The following STK3 variants were observed in gnomAD, a reference collection of about 807,000 sequenced individuals.
The protein encoded by STK3 is serine/threonine-protein kinase 3.
STK3 carries 41 observed loss-of-function variants against 58.0 expected under a neutral mutation model. The ratio of observed to expected loss-of-function variants is 0.71; its 90% CI spans 0.55 to 0.92. STK3 has a LOEUF of 0.92. Ranked by LOEUF, STK3 falls within the 40% of genes least tolerant of loss-of-function variation. The probability of loss-of-function intolerance (pLI) is 0.00; values close to 1 mark genes in which losing one functional copy is unlikely to be tolerated. For synonymous variants in STK3, 170 were observed against 191.0 expected (o/e 0.89, Z 0.91); for missense variants, 479 against 602.7 (o/e 0.79, Z 2.15).
At chr8:98,517,511 G>T (rs944341106) in intron 10 of STK3, among the ~76,000 whole-genome samples, 4 of 152,064 alleles carry the variant, frequency 2.6e-5, no homozygotes, top group Non-Finnish European at 5.9e-5. Flanking sequence ...GTGGAAGATA[G>T]ACATGAGAAG....
At chr8:98,876,214 G>C (rs16897115) in intron 3 of STK3, among the ~76,000 whole-genome samples, 10,455 of 152,200 alleles carry the variant, frequency 0.069, 435 homozygotes, top group South Asian at 0.1. Flanking sequence ...AATCTAGCAC[G>C]TTTAGGAACC....
intron 10 of STK3, among the ~76,000 whole-genome samples, chr8:98,519,745 T>C (rs752841327): frequency 4.6e-5 from 7 of 152,118 alleles, no homozygotes; most frequent in South Asian, 2.1e-4. Context: ...TTTGGGACTT[T>C]TTCTTCAGTG....
intron 1 of STK3, among the ~76,000 whole-genome samples, chr8:98,891,973 A>G (rs1319977487): frequency 6.6e-6 from 1 of 152,190 alleles, no homozygotes; most frequent in Non-Finnish European, 1.5e-5. Flanking sequence ...CCCTATGCCA[A>G]TAAGTAAAAA....
chr8:98,625,630 C>T (rs1485521535), intron 6 of STK3, among the ~76,000 whole-genome samples: 1 of 152,150 alleles, frequency 6.6e-6, no homozygotes, highest in African/African-American at 2.4e-5. Context: ...TGAACAGTAA[C>T]TCATCTGTGC....
intron 1 of STK3, among the ~76,000 whole-genome samples, chr8:98,785,243 C>T (rs2131550053): frequency 6.6e-6 from 1 of 152,328 alleles, no homozygotes; most frequent in East Asian, 1.9e-4. Flanking sequence ...GTTCAGCAGC[C>T]TACATCACCC....
intron 2 of STK3, among the ~76,000 whole-genome samples, chr8:98,376,710 G>A (rs186712518): frequency 6.6e-6 from 1 of 152,102 alleles, no homozygotes; most frequent in African/African-American, 2.4e-5. Context: ...GATATTTAGA[G>A]TTCAATGGAA....
chr8:98,923,854 TGCGCGCGCGC>T (rs3029998), intron 1 of STK3, among the ~76,000 whole-genome samples: 1,782 of 113,676 alleles, frequency 0.016, 25 homozygotes, highest in African/African-American at 0.038. Flanking sequence ...TGTGTGTGTG[TGCGCGCGCGC>T]GCGCGCGCGC....
At chr8:98,638,843 T>C (rs1322183004) in intron 6 of STK3, among the ~76,000 whole-genome samples, 1 of 152,192 alleles carries the variant, frequency 6.6e-6, no homozygotes, top group Non-Finnish European at 1.5e-5. Flanking sequence ...TACTCAATTA[T>C]TTATAGGACA....
chr8:98,440,455 C>G (rs1162190303), intron 1 of STK3, among the ~76,000 whole-genome samples: 1 of 152,140 alleles, frequency 6.6e-6, no homozygotes, highest in Non-Finnish European at 1.5e-5. Flanking sequence ...AATTCCAGAA[C>G]CCTTTTCATC....
chr8:98,618,307 C>T lies in STK3; in HGVS notation c.685-22138G>A, dbSNP rs565822124. On this transcript the variant is annotated intron_variant, in intron 6 of 10. Coordinates refer to ENST00000419617, the MANE Select transcript of STK3 (RefSeq NM_006281.4). ...CTCAATAAATTAGGTATTGATGGGACGTATTTCAAAATAATAAGAGCTATC... is the reference window on the plus strand; with the variant it reads ...CTCAATAAATTAGGTATTGATGGGATGTATTTCAAAATAATAAGAGCTATC... Among the ~76,000 whole-genome samples, 110 of 146,842 alleles carry T rather than the reference C, an allele frequency of 7.5e-4. No homozygotes were observed. The East Asian group carries it at 0.019, about 25-fold the overall frequency.
chr8:98,564,882 A>C (rs1420439639), intron 8 of STK3, among the ~76,000 whole-genome samples: 1 of 152,158 alleles, frequency 6.6e-6, no homozygotes, highest in Non-Finnish European at 1.5e-5. Flanking sequence ...AAGAATAGGC[A>C]CTTTAGTTTC....
intron 10 of STK3, among the ~76,000 whole-genome samples, chr8:98,523,375 CTT>C (rs558917345): frequency 0.028 from 3,884 of 137,568 alleles, 120 homozygotes; most frequent in African/African-American, 0.093. Flanking sequence ...GTCCTTTGCC[CTT>C]TTTTTTTTTT....
chr8:98,940,699 G>A (rs1840383507), intron 1 of STK3, among the ~76,000 whole-genome samples: 1 of 152,218 alleles, frequency 6.6e-6, no homozygotes, highest in African/African-American at 2.4e-5. Context: ...CCCGGCCTTG[G>A]AATCTGCGCC....
chr8:98,473,768 T>C lies in STK3; in HGVS notation c.1318-17768A>G, dbSNP rs555996484. Reference sequence around the variant, plus strand: ...CATGCTCTCTTTTCTCCTAAATTTATGGCCATTTCTCAATCTCCTTTATTG... The same window carrying C: ...CATGCTCTCTTTTCTCCTAAATTTACGGCCATTTCTCAATCTCCTTTATTG... On this transcript the variant is annotated intron_variant, in intron 10 of 10. Transcript: ENST00000419617. 7.2e-5 allele frequency among the ~76,000 whole-genome samples: 11 copies of C among 152,278 alleles called. No individual in the cohort carries two copies. In the South Asian group the frequency reaches 2.3e-3, roughly 32 times the overall value.
intron 1 of STK3, among the ~76,000 whole-genome samples, chr8:98,928,288 C>G (rs555303110): frequency 1.4e-4 from 22 of 152,330 alleles, no homozygotes; most frequent in African/African-American, 5.3e-4. Context: ...AAGGCTATCA[C>G]CTCACCAGGA....
intron 1 of STK3, among the ~76,000 whole-genome samples, chr8:98,825,048 C>T (rs950026724): frequency 6.6e-6 from 1 of 152,142 alleles, no homozygotes; most frequent in Non-Finnish European, 1.5e-5. Flanking sequence ...CAGTAAATAC[C>T]ATACCAAAGC....
intron 10 of STK3, among the ~76,000 whole-genome samples, chr8:98,474,870 T>C (rs1821190688): frequency 6.6e-6 from 1 of 152,214 alleles, no homozygotes; most frequent in Non-Finnish European, 1.5e-5. Context: ...CAATATGAGA[T>C]ACGTGAATAT....
At chr8:98,588,739 T>G (rs1216281490) in intron 7 of STK3, among the ~76,000 whole-genome samples, 2 of 151,652 alleles carry the variant, frequency 1.3e-5, no homozygotes, top group Admixed American at 6.6e-5. Context: ...GTACACCAAT[T>G]AGACGTAGAT....
At chr8:98,603,547 T>C (rs901699467) in intron 6 of STK3, among the ~76,000 whole-genome samples, 23 of 152,144 alleles carry the variant, frequency 1.5e-4, no homozygotes, top group Admixed American at 1.2e-3. Flanking sequence ...TATGACAATA[T>C]TTTTCAAAGA....
Sources: allele counts gnomAD v4.1 joint callset (sites outside exome capture counted in the v4.1 genomes callset), GRCh38; gene constraint gnomAD v4.1.1; transcripts MANE v1.5; gene names NCBI Gene and HGNC (gene_info 2026-07-23, HGNC 2026-07-21).